The following NKAIN3 variants were observed in gnomAD, a reference collection of about 807,000 sequenced individuals.
NKAIN3 encodes the protein sodium/potassium transporting ATPase interacting 3.
A neutral mutation model predicts 30.2 loss-of-function variants in NKAIN3; 25 were observed. The observed-to-expected ratio is 0.83, with a 90% confidence interval of 0.60 to 1.16. The LOEUF (loss-of-function observed/expected upper bound fraction) is 1.16, where lower values mean the gene tolerates loss of function less well. Among genes scored for constraint, NKAIN3 ranks in the 50% most tolerant of loss-of-function variants. The probability of loss-of-function intolerance (pLI) is 0.00; values close to 1 mark genes in which losing one functional copy is unlikely to be tolerated. For missense variants in NKAIN3, 225 were observed against 254.1 expected, an observed-to-expected ratio of 0.89 and a Z score of 0.78; for synonymous variants, 91 against 89.6, an observed-to-expected ratio of 1.02 and a Z score of -0.09.
intron 3 of NKAIN3, among the ~76,000 whole-genome samples, chr8:62,723,081 G>T (rs558481040): frequency 1.3e-5 from 2 of 152,158 alleles, no homozygotes; most frequent in South Asian, 2.1e-4. Context: ...TTTTGCAGAG[G>T]ATTCAAAACC....
chr8:62,419,781 G>A (rs1337155991), intron 1 of NKAIN3, among the ~76,000 whole-genome samples: 1 of 152,132 alleles, frequency 6.6e-6, no homozygotes, highest in Admixed American at 6.6e-5. Context: ...GACTTTGGGA[G>A]AAATTCTCCA....
chr8:62,985,846 G>A (rs1824189834), downstream of NKAIN3, among the ~76,000 whole-genome samples: 1 of 152,014 alleles, frequency 6.6e-6, no homozygotes. Context: ...TATTTAAAAG[G>A]AAGCAGGGAG....
chr8:62,870,705 A>ATATCTC (rs1820610966), intron 4 of NKAIN3, among the ~76,000 whole-genome samples: 4 of 125,242 alleles, frequency 3.2e-5, no homozygotes, highest in South Asian at 2.4e-4. Flanking sequence ...CTATATATCT[A>ATATCTC]TATATCTATA....
At chr8:62,284,276 A>T (rs1813298040) in intron 1 of NKAIN3, among the ~76,000 whole-genome samples, 1 of 149,294 alleles carries the variant, frequency 6.7e-6, no homozygotes, top group South Asian at 2.1e-4. Flanking sequence ...ACGGGGAGAC[A>T]GTGGTGGCTT....
intron 4 of NKAIN3, among the ~76,000 whole-genome samples, chr8:62,819,138 TATATATATATATAC>T (rs1042060460): frequency 9.4e-6 from 1 of 106,438 alleles, no homozygotes; most frequent in Non-Finnish European, 2.1e-5. Context: ...TATCGTTATA[TATATATATATATAC>T]ATATATATAT....
intron 1 of NKAIN3, among the ~76,000 whole-genome samples, chr8:62,418,023 A>G (rs1476601660): frequency 1.3e-5 from 2 of 152,160 alleles, no homozygotes; most frequent in African/African-American, 4.8e-5. Context: ...ATCTCCTTAA[A>G]TTTTTCATCC....
chr8:62,768,053 C>T (rs1816898780), intron 4 of NKAIN3, among the ~76,000 whole-genome samples: 1 of 152,088 alleles, frequency 6.6e-6, no homozygotes. Context: ...CAGTGCTAGT[C>T]CCTGACAAAG....
Position 62,786,501 on chromosome 8 carries a change from A to G in NKAIN3, c.471+39372A>G, listed in dbSNP as rs571343096. Among the ~76,000 whole-genome samples, 7 of 150,074 alleles carry G rather than the reference A, an allele frequency of 4.7e-5. No homozygotes were observed. The East Asian group carries it at 1.4e-3, about 30-fold the overall frequency. On this transcript the variant is annotated intron_variant, in intron 4 of 6. Coordinates refer to ENST00000623646, the MANE Select transcript of NKAIN3 (RefSeq NM_001304533.3). ...CACTTCTCATCTCCTCATATAAAGGATTCATGTTGAATTACCTAGCAAAGT... is the reference window on the plus strand; with the variant it reads ...CACTTCTCATCTCCTCATATAAAGGGTTCATGTTGAATTACCTAGCAAAGT...
chr8:62,380,925 T>A (rs1397157829), intron 1 of NKAIN3, among the ~76,000 whole-genome samples: 3 of 152,096 alleles, frequency 2.0e-5, no homozygotes, highest in Admixed American at 6.6e-5. Flanking sequence ...AAAGAGAAAA[T>A]GGTAATGGAT....
chr8:62,585,977 CA>C (rs1314148169), intron 2 of NKAIN3, among the ~76,000 whole-genome samples: 3 of 152,080 alleles, frequency 2.0e-5, no homozygotes, highest in Non-Finnish European at 2.9e-5. Flanking sequence ...TTTAATCAAG[CA>C]GGTTTTAACT....
chr8:62,863,334 C>T (rs745440478), intron 4 of NKAIN3: 10 of 1,549,746 alleles, frequency 6.5e-6, no homozygotes, highest in Non-Finnish European at 8.8e-6. Context: ...TACCTGCTTT[C>T]TGCCCCTCAG....
At chr8:62,640,895 C>G (rs1020320810) in intron 3 of NKAIN3, among the ~76,000 whole-genome samples, 11 of 152,214 alleles carry the variant, frequency 7.2e-5, no homozygotes, top group African/African-American at 2.6e-4. Flanking sequence ...AGGGCCAGTT[C>G]TATTCAGTCA....
At chr8:62,936,899 A>G (rs1459609083) in intron 5 of NKAIN3, among the ~76,000 whole-genome samples, 1 of 152,128 alleles carries the variant, frequency 6.6e-6, no homozygotes, top group Non-Finnish European at 1.5e-5. Flanking sequence ...TGTATAGTTC[A>G]GTTATTAAGC....
At chr8:62,500,733 A>C (rs770340783) in intron 1 of NKAIN3, among the ~76,000 whole-genome samples, 1 of 152,174 alleles carries the variant, frequency 6.6e-6, no homozygotes, top group Non-Finnish European at 1.5e-5. Flanking sequence ...GCCGGGACCA[A>C]GAGGGAGGTT....
intron 1 of NKAIN3, among the ~76,000 whole-genome samples, chr8:62,416,046 A>C (rs1192645562): frequency 6.6e-6 from 1 of 152,028 alleles, no homozygotes; most frequent in Non-Finnish European, 1.5e-5. Flanking sequence ...GTGAGCCACC[A>C]CGCCTGGCCT....
At chr8:62,772,065 C>A (rs1288973348) in intron 4 of NKAIN3, among the ~76,000 whole-genome samples, 1 of 152,130 alleles carries the variant, frequency 6.6e-6, no homozygotes, top group East Asian at 1.9e-4. Context: ...CCCCACTATT[C>A]TTCCCACCCT....
At chr8:62,580,223 T>C (rs1036608636) in intron 2 of NKAIN3, among the ~76,000 whole-genome samples, 2 of 152,192 alleles carry the variant, frequency 1.3e-5, no homozygotes, top group Non-Finnish European at 2.9e-5. Flanking sequence ...TCTCTGTTTG[T>C]CAAGATGAAT....
chr8:62,749,845 G>T (rs1421927966), intron 4 of NKAIN3, among the ~76,000 whole-genome samples: 3 of 151,608 alleles, frequency 2.0e-5, no homozygotes, highest in East Asian at 1.9e-4. Flanking sequence ...GCCACGTCCA[G>T]CTAATTTTTT....
At chr8:62,443,084 A>G (rs1805376022) in intron 1 of NKAIN3, among the ~76,000 whole-genome samples, 1 of 151,942 alleles carries the variant, frequency 6.6e-6, no homozygotes, top group African/African-American at 2.4e-5. Flanking sequence ...TATATCTATT[A>G]AGTTTATGAG....
Sources: allele counts gnomAD v4.1 joint callset (sites outside exome capture counted in the v4.1 genomes callset), GRCh38; gene constraint gnomAD v4.1.1; transcripts MANE v1.5; gene names NCBI Gene and HGNC (gene_info 2026-07-23, HGNC 2026-07-21).